MYO3A: variants seen among roughly 807,000 people sequenced by gnomAD.
MYO3A encodes myosin-IIIa.
Under a neutral mutation model 192.7 loss-of-function variants are expected in MYO3A, and 180 were observed. That is an observed-to-expected ratio of 0.93 (90% confidence interval 0.83 to 1.06). The LOEUF (loss-of-function observed/expected upper bound fraction) is 1.06, where lower values mean the gene tolerates loss of function less well. Among genes scored for constraint, MYO3A ranks in the 50% least tolerant of loss-of-function variants. MYO3A has a pLI of 0.00. For missense variants in MYO3A, 1,896 were observed against 1,905.0 expected, an observed-to-expected ratio of 1.00 and a Z score of 0.09; for synonymous variants, 628 against 645.3, an observed-to-expected ratio of 0.97 and a Z score of 0.41.
At chr10:25,990,693 G>A (rs1045887643) in intron 4 of MYO3A, among the ~76,000 whole-genome samples, 9 of 129,898 alleles carry the variant, frequency 6.9e-5, no homozygotes, top group Non-Finnish European at 9.3e-5. Flanking sequence ...CCTGGTGTGT[G>A]ATGTTCCCCT....
chr10:26,061,982 T>C (rs1287210457), intron 10 of MYO3A, among the ~76,000 whole-genome samples: 1 of 152,166 alleles, frequency 6.6e-6, no homozygotes, highest in Non-Finnish European at 1.5e-5. Context: ...GTAAATGAGA[T>C]GATACTTGTT....
chr10:26,065,585 CAAAAAAAAAAAAA>C lies in MYO3A; in HGVS notation c.954-1374_954-1362del, dbSNP rs33982842. The stretch of plus-strand genomic sequence containing the variant: ...GGGTGACAGAGCGAGACTCCATCTC[CAAAAAAAAAAAAA>C]AAAAAAAAAAAAAAAGTATACATAA... On this transcript the variant is annotated intron_variant, in intron 10 of 34. Coordinates refer to ENST00000642920, the MANE Select transcript of MYO3A (RefSeq NM_017433.5). Among the ~76,000 whole-genome samples the C allele has an allele frequency of 1.2e-3, 28 of 23,264 alleles. 2 individuals are homozygous for C. The highest frequency in any genetic ancestry group is 4.4e-3 in the African/African-American group (26 of 5,844). The allele number at this position is 23,264 out of a possible 152,430, so 15.3% of individuals were successfully genotyped here. A position where few individuals can be genotyped will look rare whatever the true frequency, so the allele number is the denominator to read the frequency against.
rs181776913 is a variant in MYO3A, at chr10:26,102,129, C to T, written c.1776+5447C>T. 1.8e-3 allele frequency among the ~76,000 whole-genome samples: 277 copies of T among 152,280 alleles called. 2 individuals are homozygous for T. Among genetic ancestry groups the T allele is most frequent in the Admixed American group, 4.6e-3 (70 of 15,288 alleles). On this transcript the variant is annotated intron_variant, in intron 17 of 34. Coordinates refer to ENST00000642920, the MANE Select transcript of MYO3A (RefSeq NM_017433.5). ...TCTTTTTTCTCTAAACTTCTCTTCT[C>T]GCTTCATTTCATTCATTTGATCTTC... is the stretch of plus-strand genomic sequence containing the variant.
intron 2 of MYO3A, among the ~76,000 whole-genome samples, chr10:25,948,947 A>G (rs1054118981): frequency 3.9e-5 from 6 of 152,030 alleles, no homozygotes; most frequent in African/African-American, 1.4e-4. Context: ...TGCTTTAAAT[A>G]TTTGTCTGAT....
intron 14 of MYO3A, among the ~76,000 whole-genome samples, chr10:26,070,748 A>G (rs1204494276): frequency 3.3e-5 from 5 of 152,116 alleles, no homozygotes; most frequent in Non-Finnish European, 5.9e-5. Flanking sequence ...TTGTGTTTAC[A>G]TACCATATGT....
intron 17 of MYO3A, among the ~76,000 whole-genome samples, chr10:26,114,603 A>G (rs1437196252): frequency 6.6e-6 from 1 of 152,234 alleles, no homozygotes; most frequent in Non-Finnish European, 1.5e-5. Context: ...ATTCTGAGAA[A>G]GATAAGTAGA....
At chr10:25,938,828 T>C (rs1453770048) in intron 2 of MYO3A, among the ~76,000 whole-genome samples, 1 of 152,218 alleles carries the variant, frequency 6.6e-6, no homozygotes, top group African/African-American at 2.4e-5. Context: ...AAGTTAATGA[T>C]TAAATTTATT....
In MYO3A at chr10:26,054,752, G is replaced by A. The variant is rs569218066; in HGVS notation, c.954-12223G>A. Among the ~76,000 whole-genome samples, 23 of 152,310 alleles carry A rather than the reference G, an allele frequency of 1.5e-4. No individual in the cohort carries two copies. The South Asian group carries it at 4.3e-3, about 29-fold the overall frequency. Reference sequence around the variant, plus strand: ...CTGTTAAATTGATGCAGCCATGACCGAAGAATGCCTACAGCCTCCAGAAAC... The same window carrying A: ...CTGTTAAATTGATGCAGCCATGACCAAAGAATGCCTACAGCCTCCAGAAAC... On this transcript the variant is annotated intron_variant, in intron 10 of 34. Coordinates refer to ENST00000642920, the MANE Select transcript of MYO3A (RefSeq NM_017433.5).
intron 17 of MYO3A, among the ~76,000 whole-genome samples, chr10:26,102,027 G>C (rs1837485045): frequency 1.3e-5 from 2 of 152,072 alleles, no homozygotes; most frequent in Non-Finnish European, 2.9e-5. Flanking sequence ...GTCACTTTCA[G>C]GTACACCAAT....
chr10:26,165,405 T>C (rs961284325), intron 26 of MYO3A, among the ~76,000 whole-genome samples: 2 of 152,200 alleles, frequency 1.3e-5, no homozygotes, highest in Non-Finnish European at 2.9e-5. Context: ...TATTGACCAG[T>C]GTAAAGCAGA....
intron 18 of MYO3A, among the ~76,000 whole-genome samples, chr10:26,123,862 C>T (rs1839023694): frequency 6.6e-6 from 1 of 152,042 alleles, no homozygotes; most frequent in African/African-American, 2.4e-5. Context: ...GGAGGCGGAG[C>T]TTGCAGTGAG....
rs994729726 is a variant in MYO3A, at chr10:25,969,388, G to A, written c.303+14380G>A. On this transcript the variant is annotated intron_variant, in intron 4 of 34. Transcript: ENST00000642920. ...ATAGCAAAAAGCATAGTATATATAC[G>A]GTGCAGTACTATCTGTGGTTTTGGG... Among the ~76,000 whole-genome samples, 7 of 152,196 alleles carry A rather than the reference G, an allele frequency of 4.6e-5. No homozygotes were observed. The South Asian group carries it at 6.2e-4, about 14-fold the overall frequency.
intron 15 of MYO3A, among the ~76,000 whole-genome samples, chr10:26,091,840 A>G (rs1028102996): frequency 6.6e-6 from 1 of 152,218 alleles, no homozygotes; most frequent in African/African-American, 2.4e-5. Context: ...CAAGCCCACC[A>G]TTCATGCATC....
chr10:25,994,863 T>C (rs1267970662), intron 4 of MYO3A, among the ~76,000 whole-genome samples: 6 of 152,236 alleles, frequency 3.9e-5, no homozygotes, highest in African/African-American at 1.4e-4. Context: ...CTTGTAGAGT[T>C]TCTGCCAGGA....
chr10:26,069,719 A>G (rs1334867397), intron 12 of MYO3A, among the ~76,000 whole-genome samples: 1 of 152,062 alleles, frequency 6.6e-6, no homozygotes, highest in Non-Finnish European at 1.5e-5. Context: ...AAAGGAAAAA[A>G]GTGGTTATCA....
chr10:26,198,019 G>A (rs1028936800), intron 32 of MYO3A, among the ~76,000 whole-genome samples: 2 of 152,240 alleles, frequency 1.3e-5, no homozygotes, highest in Non-Finnish European at 2.9e-5. Context: ...CTAGAAGACT[G>A]TTAAATAATA....
intron 10 of MYO3A, among the ~76,000 whole-genome samples, chr10:26,057,925 C>T (rs1385654844): frequency 1.3e-5 from 2 of 150,998 alleles, no homozygotes; most frequent in African/African-American, 4.9e-5. Flanking sequence ...GCCTTCTCCA[C>T]TGTCAACATC....
At chr10:25,938,352 G>A (rs1350031355) in intron 2 of MYO3A, among the ~76,000 whole-genome samples, 1 of 152,182 alleles carries the variant, frequency 6.6e-6, no homozygotes, top group Non-Finnish European at 1.5e-5. Flanking sequence ...AAGTCACTGA[G>A]AGTGGTGAGA....
chr10:26,084,778 A>G (rs946572591), intron 14 of MYO3A, among the ~76,000 whole-genome samples: 1 of 152,248 alleles, frequency 6.6e-6, no homozygotes, highest in Admixed American at 6.5e-5. Context: ...TGCTGGAATT[A>G]TAGACATTAG....
Sources: allele counts gnomAD v4.1 joint callset (sites outside exome capture counted in the v4.1 genomes callset), GRCh38; gene constraint gnomAD v4.1.1; transcripts MANE v1.5; gene names NCBI Gene and HGNC (gene_info 2026-07-23, HGNC 2026-07-21).